Variants in GNB4 observed in about 807,000 individuals in gnomAD.
GNB4 encodes the protein guanine nucleotide-binding protein subunit beta-4.
In GNB4, 28 loss-of-function variants were observed where a neutral mutation model predicts 45.2. The observed-to-expected ratio is 0.62, with a 90% CI of 0.46 to 0.85. GNB4 has a LOEUF of 0.85. Among genes scored for constraint, GNB4 ranks in the 40% least tolerant of loss-of-function variants. The pLI is 0.00. For missense variants in GNB4, 321 were observed against 425.4 expected, an observed-to-expected ratio of 0.75 and a Z score of 2.16; for synonymous variants, 132 against 143.7, an observed-to-expected ratio of 0.92 and a Z score of 0.58.
At position 179,419,517 on chromosome 3, in the gene GNB4, A is replaced by G; in HGVS notation, c.97-12T>C. 1 of 1,470,630 alleles carries G rather than the reference A, an allele frequency of 6.8e-7. No homozygotes were observed. Among genetic ancestry groups the G allele is most frequent in the Non-Finnish European group, 9.5e-7 (1 of 1,049,618 alleles). The allele number at this position is 1,470,630 out of a possible 1,614,324, so 91.1% of individuals were successfully genotyped here. On this transcript the variant is annotated splice_polypyrimidine_tract_variant and intron_variant, in intron 3 of 9. Coordinates refer to ENST00000232564, the MANE Select transcript of GNB4 (RefSeq NM_021629.4). ...ATATTTGATGTAATCTTTTGAAAGC[A>G]ACAAAAATGTTATTCTTTACCTTAA...
intron 1 of GNB4, among the ~76,000 whole-genome samples, chr3:179,447,619 G>A (rs1461046129): frequency 6.6e-6 from 1 of 152,168 alleles, no homozygotes; most frequent in Non-Finnish European, 1.5e-5. Flanking sequence ...GAGACAGAGA[G>A]TGGAAGCTGA....
At chr3:179,466,313 T>A in the GNB4 span, among the ~76,000 whole-genome samples, 19 of 152,194 alleles carry the variant, frequency 1.2e-4, no homozygotes, top group East Asian at 2.9e-3. Context: ...ACCTGGCCAG[T>A]CCTACAGTCT....
chr3:179,418,476 AAAAAAAAAAAAAG>A (rs1014342371), intron 4 of GNB4, among the ~76,000 whole-genome samples: 60 of 142,026 alleles, frequency 4.2e-4, no homozygotes, highest in African/African-American at 1.4e-3. Context: ...GTCTCAAAAA[AAAAAAAAAAAAAG>A]AAAAAAGAAA....
the GNB4 span, among the ~76,000 whole-genome samples, chr3:179,476,942 T>C: frequency 6.6e-6 from 1 of 152,188 alleles, no homozygotes; most frequent in Non-Finnish European, 1.5e-5. Context: ...TTAAGTCTTT[T>C]CTACTCCCTC....
upstream of GNB4, chr3:179,451,497 A>G (rs1387605544): frequency 1.3e-5 from 2 of 150,592 alleles, no homozygotes; most frequent in Non-Finnish European, 3.0e-5. Flanking sequence ...CCCAGCAGCC[A>G]ACTCCGCGGC....
chr3:179,494,713 T>A, the GNB4 span, among the ~76,000 whole-genome samples: 1 of 151,446 alleles, frequency 6.6e-6, no homozygotes, highest in Non-Finnish European at 1.5e-5. Flanking sequence ...ATCAAGACCA[T>A]CCTGGCTAAC....
chr3:179,509,184 C>T, the GNB4 span, among the ~76,000 whole-genome samples: 1 of 151,274 alleles, frequency 6.6e-6, no homozygotes, highest in Admixed American at 6.6e-5. Context: ...CACACACACA[C>T]ACACACACAC....
chr3:179,475,534 G>A, the GNB4 span, among the ~76,000 whole-genome samples: 3 of 151,652 alleles, frequency 2.0e-5, no homozygotes, highest in East Asian at 3.9e-4. Context: ...ATGCAATGGC[G>A]AGATCTCGGC....
intron 1 of GNB4, among the ~76,000 whole-genome samples, chr3:179,429,168 A>G (rs1189572116): frequency 6.6e-6 from 1 of 152,196 alleles, no homozygotes; most frequent in Non-Finnish European, 1.5e-5. Flanking sequence ...GCAACATGCA[A>G]CCTCAAGGAA....
chr3:179,486,754 C>T, the GNB4 span, among the ~76,000 whole-genome samples: 1 of 152,184 alleles, frequency 6.6e-6, no homozygotes, highest in Non-Finnish European at 1.5e-5. Flanking sequence ...ATCCAGCAAG[C>T]TGAGTAGACA....
At chr3:179,408,815 T>TA (rs1714555446) in intron 8 of GNB4, among the ~76,000 whole-genome samples, 1 of 112,366 alleles carries the variant, frequency 8.9e-6, no homozygotes, top group Non-Finnish European at 1.9e-5. Context: ...AGAAAGAAAC[T>TA]CAAAAAAAAA....
intron 4 of GNB4, 30 bp from the exon 5 acceptor site, chr3:179,416,586 CACTT>C (rs1577029759): frequency 2.8e-6 from 4 of 1,415,004 alleles, no homozygotes; most frequent in Non-Finnish European, 3.9e-6. Context: ...AATAATTTGA[CACTT>C]AGAGGGAAAA....
At chr3:179,461,475 C>T in the GNB4 span, among the ~76,000 whole-genome samples, 21 of 139,270 alleles carry the variant, frequency 1.5e-4, no homozygotes, top group Admixed American at 7.5e-4. Flanking sequence ...CCAGCCTGGG[C>T]GACAGAGCGA....
intron 1 of GNB4, among the ~76,000 whole-genome samples, chr3:179,429,605 G>C (rs1715245978): frequency 6.6e-6 from 1 of 152,138 alleles, no homozygotes; most frequent in Admixed American, 6.6e-5. Context: ...TCTAGGTCCA[G>C]AACTTCAAGC....
At chr3:179,527,208 T>G in the GNB4 span, among the ~76,000 whole-genome samples, 6 of 152,230 alleles carry the variant, frequency 3.9e-5, no homozygotes, top group South Asian at 1.2e-3. Context: ...GGATTCTTAG[T>G]TGTTCTCAGC....
Position 179,397,172 on chromosome 3 carries a change from T to C in GNB4, c.*4041A>G, listed in dbSNP as rs1213665713. Reference sequence around the variant, plus strand: ...CAAATGGGGGATTGTTTAACCAGTTTTCCTAAGTTAAACCAAGAATAAGCC... The same window carrying C: ...CAAATGGGGGATTGTTTAACCAGTTCTCCTAAGTTAAACCAAGAATAAGCC... On this transcript the variant is annotated 3_prime_UTR_variant, in exon 10 of 10. Transcript: ENST00000232564. 3 of 152,214 alleles carry C rather than the reference T, an allele frequency of 2.0e-5. No homozygotes were observed. The highest frequency in any genetic ancestry group is 3.8e-4 in the East Asian group (2 of 5,202). 9.4% of individuals were successfully genotyped at this position (152,214 alleles called of 1,614,324 possible).
chr3:179,505,448 C>T, the GNB4 span, among the ~76,000 whole-genome samples: 3 of 152,144 alleles, frequency 2.0e-5, no homozygotes, highest in African/African-American at 7.2e-5. Context: ...AAGGGAATAA[C>T]ATTCATGTAG....
At chr3:179,482,956 G>C in the GNB4 span, among the ~76,000 whole-genome samples, 5 of 152,144 alleles carry the variant, frequency 3.3e-5, no homozygotes, top group African/African-American at 1.2e-4. Flanking sequence ...ATGAGAAATT[G>C]TTGGCCTGAA....
At chr3:179,439,593 GT>G (rs1226578246) in intron 1 of GNB4, among the ~76,000 whole-genome samples, 1 of 152,194 alleles carries the variant, frequency 6.6e-6, no homozygotes, top group Non-Finnish European at 1.5e-5. Context: ...CTTCACAGGC[GT>G]GGGGACATAG....
Sources: allele counts gnomAD v4.1 joint callset (sites outside exome capture counted in the v4.1 genomes callset), GRCh38; gene constraint gnomAD v4.1.1; transcripts MANE v1.5; gene names NCBI Gene and HGNC (gene_info 2026-07-23, HGNC 2026-07-21).